The following CELSR2 variants were observed in gnomAD, a reference collection of about 807,000 sequenced individuals.
CELSR2 encodes cadherin EGF LAG seven-pass G-type receptor 2.
Under a neutral mutation model 251.6 loss-of-function variants are expected in CELSR2, and 81 were observed. The ratio of observed to expected loss-of-function variants is 0.32; its 90% CI spans 0.27 to 0.39. CELSR2 has a LOEUF of 0.39. CELSR2 is among the 10% of genes least tolerant of loss of function. The pLI, the probability that CELSR2 is intolerant of heterozygous loss-of-function variation, is 1.00. For synonymous variants in CELSR2, 1,721 were observed against 1,670.5 expected (o/e 1.03, Z -0.74); for missense variants, 3,365 against 3,947.7 (o/e 0.85, Z 3.96).
intron 23 of CELSR2, 82 bp downstream of exon 23, chr1:109,270,215 C>T (rs1656330651): frequency 2.1e-6 from 3 of 1,456,984 alleles, no homozygotes; most frequent in Admixed American, 3.4e-5. Context: ...CCTGCTCCTG[C>T]ACCATGAACT....
chr1:109,262,737 C>T (rs1656053601), intron 6 of CELSR2, 69 bp from the exon 7 acceptor site: 19 of 1,576,560 alleles, frequency 1.2e-5, no homozygotes, highest in Admixed American at 8.6e-5. Flanking sequence ...TCTGGCCTGG[C>T]GGCAGAGCGA....
chr1:109,270,893 C>T (rs750323021), intron 24 of CELSR2, 34 bp from the exon 25 acceptor site: 11 of 1,506,310 alleles, frequency 7.3e-6, no homozygotes, highest in Non-Finnish European at 1.0e-5. Flanking sequence ...CCCTCATCAC[C>T]CCTCCACTGC....
intron 1 of CELSR2, among the ~76,000 whole-genome samples, chr1:109,254,024 G>C (rs1655778652): frequency 6.6e-6 from 1 of 152,228 alleles, no homozygotes; most frequent in Non-Finnish European, 1.5e-5. Context: ...CCCACAGGAA[G>C]TGAGGCCAGA....
chr1:109,265,952 T>TA, intron 14 of CELSR2, 34 bp downstream of exon 14: 1 of 1,600,804 alleles, frequency 6.2e-7, no homozygotes, highest in African/African-American at 1.3e-5. Context: ...CAGCCCTCCT[T>TA]ACAGTGTGCT....
In CELSR2 at chr1:109,250,519, C is replaced by T. The variant is rs1203794518; in HGVS notation, c.440C>T (p.Ser147Phe). The change falls in exon 1 of 34, where the codon TCC becomes TTC. Residue 147 changes from serine to phenylalanine, a missense_variant. Around this residue, in one of 5 missense-constraint regions of CELSR2, gnomAD observed 704 missense variants for 784.1 expected, o/e 0.90. Coordinates refer to ENST00000271332, the MANE Select transcript of CELSR2 (RefSeq NM_001408.3). This position sits in a 1 kb window ranked among gnomAD's most constrained non-coding sequence, Gnocchi z 4.4. The stretch of plus-strand genomic sequence containing the variant: ...AAGGCTCCACGGCTCAGATGCCAGT[C>T]CTGCAAGCTGGCACAGGCCCCCGGG... The part of the protein sequence containing the change: ...CLKAPRLRCQ[S>F]CKLAQAPGLR... The T allele has an allele frequency of 2.2e-5, 35 of 1,613,848 alleles. No homozygotes were observed. The highest frequency in any genetic ancestry group is 3.0e-5 in the Non-Finnish European group (35 of 1,180,016).
At chr1:109,267,754 TGGG>T in intron 16 of CELSR2, 94 bp from the exon 17 acceptor site, 1 of 1,559,794 alleles carries the variant, frequency 6.4e-7, no homozygotes, top group Non-Finnish European at 8.7e-7. Context: ...TGTGTGTTCC[TGGG>T]CTCCCAGCTG....
Position 109,274,247 on chromosome 1 carries a change from C to T in CELSR2, c.*198C>T. On this transcript the variant is annotated 3_prime_UTR_variant, in exon 34 of 34. Coordinates refer to ENST00000271332, the MANE Select transcript of CELSR2 (RefSeq NM_001408.3). The stretch of plus-strand genomic sequence containing the variant: ...AAGGCCATCTAGTGCCAACTCCCCC[C>T]CCACCATTCCCCTCACTGCACTTTG... The T allele has an allele frequency of 7.5e-7, 1 of 1,337,294 alleles. No homozygotes were observed. The highest frequency in any genetic ancestry group is 1.5e-5 in the South Asian group (1 of 66,430). The allele number at this position is 1,337,294 out of a possible 1,614,324, so 82.8% of individuals were successfully genotyped here.
chr1:109,258,780 C>T lies in CELSR2; in HGVS notation c.3659C>T (p.Ser1220Leu). 6.2e-7 allele frequency: 1 copy of T among 1,604,050 alleles called. No individual in the cohort carries two copies. The highest frequency in any genetic ancestry group is 8.5e-7 in the Non-Finnish European group (1 of 1,175,590). Residue 1220 changes from serine (S) to leucine (L), a missense_variant, in exon 2 of 34, where the codon TCG becomes TTG. Ser to Leu is a moderately radical substitution (Grantham distance 145). Coordinates refer to ENST00000271332, the MANE Select transcript of CELSR2 (RefSeq NM_001408.3). ...YLNRSLLTAI[S>L]AQRVLPFDDN... ...AACCGCAGCCTGCTGACGGCCATCT[C>T]GGCACAGCGCGTGCTGCCCTTCGAC...
rs747177120 is a variant in CELSR2, at chr1:109,264,521, A to G, written c.5357A>G (p.Asn1786Ser). The change falls in exon 11 of 34, where the codon AAC becomes AGC. Residue 1786 changes from asparagine (N) to serine (S), a missense_variant. By Grantham distance (46) the Asn-to-Ser change is conservative. Around this residue, in one of 5 missense-constraint regions of CELSR2, gnomAD observed 2,093 missense variants for 2,382.8 expected, o/e 0.88. Coordinates refer to ENST00000271332, the MANE Select transcript of CELSR2 (RefSeq NM_001408.3). ...SLDPSHGESINVEQGCSLPDP... is the reference protein window; with the variant it reads ...SLDPSHGESISVEQGCSLPDP... ...GATCCCAGCCATGGGGAGAGCATCA[A>G]CGTGGAGCAAGGCTGTAGCCTGCCT... 43 of 1,614,060 alleles carry G rather than the reference A, an allele frequency of 2.7e-5. No individual in the cohort carries two copies. Among genetic ancestry groups the G allele is most frequent in the Non-Finnish European group, 3.5e-5 (41 of 1,180,032 alleles).
At chr1:109,257,267 C>T (rs1337044222) in intron 1 of CELSR2, among the ~76,000 whole-genome samples, 3 of 151,220 alleles carry the variant, frequency 2.0e-5, no homozygotes, top group Non-Finnish European at 2.9e-5. Flanking sequence ...GTGGGAGGAT[C>T]GCTTGAGCCC....
Position 109,264,480 on chromosome 1 carries a change from G to C in CELSR2, c.5316G>C (p.Glu1772Asp). The C allele has an allele frequency of 1.2e-5, 20 of 1,613,770 alleles. No individual in the cohort carries two copies. The highest frequency in any genetic ancestry group is 1.6e-5 in the Non-Finnish European group (19 of 1,179,742). ...GTGTGCGGGTGAGCGATACGCCGGA[G>C]GGGGTTAACAGCCTGGATCCCAGCC... is the stretch of plus-strand genomic sequence containing the variant. ...LQGVRVSDTP[E>D]GVNSLDPSHG... Residue 1772 changes from glutamate (E) to aspartate (D), a missense_variant, in exon 11 of 34, where the codon GAG (glutamate) becomes GAC (aspartate). Transcript: ENST00000271332.
At chr1:109,273,085 GT>G (rs1379581077) in intron 31 of CELSR2, 58 bp downstream of exon 31, 1 of 1,594,032 alleles carries the variant, frequency 6.3e-7, no homozygotes, top group Non-Finnish European at 8.6e-7. Flanking sequence ...TGGGCCTGGG[GT>G]TCTTGGGAAG....
At position 109,251,857 on chromosome 1, in the gene CELSR2, C is replaced by T. The variant is rs144013657; in HGVS notation, c.1778C>T (p.Ser593Leu). ...CATGGCACTCCAGCACTCACTGCCTCGGCCAGTGTCAGCGTGACTGTCCTG... is the reference window on the plus strand; with the variant it reads ...CATGGCACTCCAGCACTCACTGCCTTGGCCAGTGTCAGCGTGACTGTCCTG... ...RDHGTPALTA[S>L]ASVSVTVLDV... Residue 593 changes from serine to leucine, a missense_variant, in exon 1 of 34, where the codon TCG becomes TTG. Coordinates refer to ENST00000271332, the MANE Select transcript of CELSR2 (RefSeq NM_001408.3). The surrounding 1 kb of genome is among the most constrained non-coding windows in gnomAD (Gnocchi z 4.9). 2.1e-5 allele frequency: 34 copies of T among 1,614,014 alleles called. No individual in the cohort carries two copies. Among genetic ancestry groups the T allele is most frequent in the African/African-American group, 2.7e-5 (2 of 74,914 alleles).
rs773681129 is a variant in CELSR2 at position 109,272,417 on chromosome 1, A to G, written c.8054+12A>G. 5 of 1,601,532 alleles carry G rather than the reference A, an allele frequency of 3.1e-6. No individual in the cohort carries two copies. The African/African-American group carries it at 5.4e-5, about 17-fold the overall frequency. On this transcript the variant is annotated intron_variant, in intron 29 of 33. Transcript: ENST00000271332. The stretch of plus-strand genomic sequence containing the variant: ...CCCTTCTTGCTGAGGTGAATCCCGG[A>G]GATGGGAGGGTGGAGGAGGGGAGGA...
chr1:109,251,522 T>G lies in CELSR2; in HGVS notation c.1443T>G (p.Arg481=), dbSNP rs1412712495. The part of the protein sequence containing the change: ...TLRVRAQDGG[R]PPLSNVSGLV... ...GGGTGCGAGCACAGGATGGTGGCCG[T>G]CCCCCACTCTCTAATGTCTCTGGCT... is the stretch of plus-strand genomic sequence containing the variant. Residue 481 remains arginine, a synonymous_variant, in exon 1 of 34, where the codon CGT becomes CGG. Transcript: ENST00000271332. This position sits in a 1 kb window ranked among gnomAD's most constrained non-coding sequence, Gnocchi z 4.9. 1 of 1,613,240 alleles carries G rather than the reference T, an allele frequency of 6.2e-7. No individual in the cohort carries two copies. Among genetic ancestry groups the G allele is most frequent in the South Asian group, 1.1e-5 (1 of 91,038 alleles).
At chr1:109,253,524 G>C in intron 1 of CELSR2, 135 bp downstream of exon 1, 1 of 1,431,320 alleles carries the variant, frequency 7.0e-7, no homozygotes, top group Non-Finnish European at 9.1e-7. Flanking sequence ...CAGAGCAGGA[G>C]GGGCAAGAGC....
chr1:109,273,954 ACT>A (rs750101520), intron 33 of CELSR2, 66 bp from the exon 34 acceptor site: 1 of 1,577,794 alleles, frequency 6.3e-7, no homozygotes, highest in Non-Finnish European at 8.7e-7. Context: ...GAAAGCTTTC[ACT>A]CTCTCCTCTG....
chr1:109,253,524 G>A (rs1409187338), intron 1 of CELSR2, 135 bp downstream of exon 1: 2 of 1,431,202 alleles, frequency 1.4e-6, no homozygotes, highest in African/African-American at 2.9e-5. Flanking sequence ...CAGAGCAGGA[G>A]GGGCAAGAGC....
chr1:109,269,736 C>G lies in CELSR2; in HGVS notation c.7023C>G (p.Val2341=). ...TGGWSARGCE[V]VFRNESHVSC... ...GCTGGTCGGCCAGAGGCTGTGAAGT[C>G]GTCTTCCGCAATGAGAGCCACGTCA... The change falls in exon 22 of 34, where the codon GTC becomes GTG. Residue 2341 remains valine (V), a synonymous_variant. Transcript: ENST00000271332. The surrounding 1 kb of genome is among the most constrained non-coding windows in gnomAD (Gnocchi z 6.4). The G allele has an allele frequency of 1.2e-6, 2 of 1,613,968 alleles. No individual in the cohort carries two copies. The highest frequency in any genetic ancestry group is 1.7e-6 in the Non-Finnish European group (2 of 1,180,028).
Sources: gnomAD v4.1 joint callset for allele counts (sites outside exome capture counted in the v4.1 genomes callset) on GRCh38, gnomAD v4.1.1 for gene constraint, gnomAD v4.1.1 regional missense constraint, Gnocchi (gnomAD v3.1) non-coding constraint, MANE v1.5 for transcripts, NCBI Gene and HGNC (gene_info 2026-07-23, HGNC 2026-07-21) for gene names.